The following ST7L variants were observed in gnomAD, a reference collection of about 807,000 sequenced individuals.
The protein encoded by ST7L is suppression of tumorigenicity 7 like.
A neutral mutation model predicts 72.5 loss-of-function variants in ST7L; 57 were observed. The ratio of observed to expected loss-of-function variants is 0.79; its 90% confidence interval spans 0.64 to 0.98. The LOEUF (loss-of-function observed/expected upper bound fraction) is 0.98. ST7L is among the 50% of genes least tolerant of loss of function. The pLI, the probability that ST7L is intolerant of heterozygous loss-of-function variation, is 0.00. For synonymous variants in ST7L, 221 were observed against 240.9 expected (o/e 0.92, Z 0.77); for missense variants, 576 against 672.2 (o/e 0.86, Z 1.58).
At chr1:112,580,972 T>C (rs530133346) in intron 9 of ST7L, among the ~76,000 whole-genome samples, 93 of 152,226 alleles carry the variant, frequency 6.1e-4, no homozygotes, top group African/African-American at 2.2e-3. Context: ...ATTGTTACCA[T>C]GGAAAGACTA....
intron 3 of ST7L, among the ~76,000 whole-genome samples, chr1:112,606,216 C>T (rs1262058872): frequency 6.6e-6 from 1 of 152,202 alleles, no homozygotes; most frequent in Non-Finnish European, 1.5e-5. Flanking sequence ...AATGGATAGG[C>T]TGAGAATTTC....
chr1:112,597,801 G>C (rs1666700289), intron 5 of ST7L, among the ~76,000 whole-genome samples, 170 bp downstream of exon 5: 1 of 151,648 alleles, frequency 6.6e-6, no homozygotes, highest in Non-Finnish European at 1.5e-5. Flanking sequence ...GAAAAGCAGT[G>C]TATCAACCTA....
intron 11 of ST7L, among the ~76,000 whole-genome samples, chr1:112,564,975 T>TA (rs199880134): frequency 0.015 from 2,292 of 152,014 alleles, 70 homozygotes; most frequent in African/African-American, 0.052. Flanking sequence ...TCTCCAGGTA[T>TA]AGTCTACTTT....
chr1:112,600,295 C>T (rs1667193098), intron 4 of ST7L, among the ~76,000 whole-genome samples: 1 of 152,146 alleles, frequency 6.6e-6, no homozygotes. Flanking sequence ...ACCTTGGCCT[C>T]CCAAAGTGCT....
chr1:112,559,465 C>T (rs866153259), intron 11 of ST7L, among the ~76,000 whole-genome samples: 1 of 151,686 alleles, frequency 6.6e-6, no homozygotes, highest in Non-Finnish European at 1.5e-5. Context: ...AACTCCTGAC[C>T]TCGTGATCCA....
rs1656191718 is a variant in ST7L, at chr1:112,542,080, A to G, written c.1500T>C (p.His500=). Residue 500 remains histidine (H), a synonymous_variant, in exon 14 of 15, where the codon CAT becomes CAC. Transcript: ENST00000358039. Reference sequence around the variant, plus strand: ...GCTCCTTTTTTGGGTAAACAGAAACATGATGAAAGGCTGCAATGGAGAATA... The same window carrying G: ...GCTCCTTTTTTGGGTAAACAGAAACGTGATGAAAGGCTGCAATGGAGAATA... ...ADRELLPTFH[H]VSVYPKKELP... is the part of the protein sequence containing the mutation. 1 of 1,609,690 alleles carries G rather than the reference A, an allele frequency of 6.2e-7. No homozygotes were observed. The highest frequency in any genetic ancestry group is 8.5e-7 in the Non-Finnish European group (1 of 1,178,462).
At chr1:112,591,953 C>T (rs1461275970) in intron 5 of ST7L, among the ~76,000 whole-genome samples, 1 of 151,934 alleles carries the variant, frequency 6.6e-6, no homozygotes, top group Non-Finnish European at 1.5e-5. Context: ...TATTACAGTT[C>T]TACTTTTATC....
intron 6 of ST7L, among the ~76,000 whole-genome samples, chr1:112,587,460 G>A (rs995558631): frequency 5.9e-5 from 9 of 152,102 alleles, no homozygotes; most frequent in South Asian, 4.1e-4. Context: ...AAAATTAGCC[G>A]GGTATGGTGG....
chr1:112,563,697 A>G (rs1350882411), intron 11 of ST7L, among the ~76,000 whole-genome samples: 1 of 152,204 alleles, frequency 6.6e-6, no homozygotes, highest in Non-Finnish European at 1.5e-5. Flanking sequence ...CTCCTTTGGA[A>G]GCTATGGTTA....
chr1:112,550,815 C>T (rs546387502), intron 12 of ST7L, 122 bp from the exon 13 acceptor site: 52 of 674,506 alleles, frequency 7.7e-5, no homozygotes, highest in East Asian at 1.1e-4. Context: ...CATTTAGATA[C>T]GAGAAACAAA....
At chr1:112,609,718 G>A (rs928452273) in intron 3 of ST7L, among the ~76,000 whole-genome samples, 1 of 151,856 alleles carries the variant, frequency 6.6e-6, no homozygotes, top group Admixed American at 6.6e-5. Context: ...AGCTACTCGG[G>A]AGGCTGAGGC....
intron 3 of ST7L, among the ~76,000 whole-genome samples, chr1:112,607,988 T>A (rs1384373489): frequency 6.6e-6 from 1 of 152,146 alleles, no homozygotes; most frequent in Non-Finnish European, 1.5e-5. Context: ...GAGAAAAAAA[T>A]TGAACAAAAG....
Position 112,577,108 on chromosome 1 carries a change from TG to T in ST7L, c.1143-21del. 2.7e-6 allele frequency: 4 copies of T among 1,476,280 alleles called. No homozygotes were observed. Among genetic ancestry groups the T allele is most frequent in the Non-Finnish European group, 3.7e-6 (4 of 1,088,746 alleles). 91.4% of individuals were successfully genotyped at this position (1,476,280 alleles called of 1,614,324 possible). A position where few individuals can be genotyped will look rare whatever the true frequency, so the allele number is the denominator to read the frequency against. On this transcript the variant is annotated intron_variant, in intron 10 of 14. Coordinates refer to ENST00000358039, the MANE Select transcript of ST7L (RefSeq NM_017744.5). ...GAGAATCTACAAGAAAACCACAAAA[TG>T]AAAAAATAAATATGCTAAAAAAAAG...
chr1:112,525,965 T>C lies in ST7L; in HGVS notation c.*48A>G. 6.2e-7 allele frequency: 1 copy of C among 1,611,208 alleles called. No individual in the cohort carries two copies. The highest frequency in any genetic ancestry group is 8.5e-7 in the Non-Finnish European group (1 of 1,177,830). ...GTTACTGTCACTTTACAGATGCTGT[T>C]CAGAAAAATTTGGTGATTTGTCCAA... is the stretch of plus-strand genomic sequence containing the variant. On this transcript the variant is annotated 3_prime_UTR_variant, in exon 15 of 15. Coordinates refer to ENST00000358039, the MANE Select transcript of ST7L (RefSeq NM_017744.5).
At chr1:112,546,043 G>A (rs1656988251) in intron 13 of ST7L, among the ~76,000 whole-genome samples, 1 of 152,120 alleles carries the variant, frequency 6.6e-6, no homozygotes, top group Non-Finnish European at 1.5e-5. Flanking sequence ...GTGGGATTGA[G>A]GCTGGGTGCA....
chr1:112,534,927 A>G (rs559090568), intron 14 of ST7L, among the ~76,000 whole-genome samples: 1 of 151,388 alleles, frequency 6.6e-6, no homozygotes, highest in Non-Finnish European at 1.5e-5. Context: ...TTGAGGGGGA[A>G]AAAAGATGAT....
intron 11 of ST7L, among the ~76,000 whole-genome samples, chr1:112,557,054 AT>A (rs891923581): frequency 3.3e-5 from 5 of 151,576 alleles, no homozygotes; most frequent in African/African-American, 7.3e-5. Context: ...AGAGGTATTA[AT>A]TTTTTTAATT....
rs1299380783 is a variant in ST7L, at chr1:112,525,997, A to C, written c.*16T>G. 3.7e-6 allele frequency: 6 copies of C among 1,613,996 alleles called. No individual in the cohort carries two copies. The highest frequency in any genetic ancestry group is 1.7e-5 in the Admixed American group (1 of 60,016). On this transcript the variant is annotated 3_prime_UTR_variant, in exon 15 of 15. Coordinates refer to ENST00000358039, the MANE Select transcript of ST7L (RefSeq NM_017744.5). ...AATTTGGTGATTTGTCCAAGGTCAC[A>C]TGAACAGTGCGTGGCTCAGCCAGAA... is the stretch of plus-strand genomic sequence containing the variant.
At chr1:112,543,621 C>A (rs1386777656) in intron 13 of ST7L, among the ~76,000 whole-genome samples, 1 of 151,972 alleles carries the variant, frequency 6.6e-6, no homozygotes, top group African/African-American at 2.4e-5. Context: ...GTAATCCCAG[C>A]ACTTTGGGAG....
Sources: allele counts gnomAD v4.1 joint callset (sites outside exome capture counted in the v4.1 genomes callset), GRCh38; gene constraint gnomAD v4.1.1; transcripts MANE v1.5; gene names NCBI Gene and HGNC (gene_info 2026-07-23, HGNC 2026-07-21).